Variants in PYM1 observed in about 807,000 individuals in gnomAD.
PYM1 encodes the protein PYM1 exon junction complex associated factor.
In PYM1, 7 loss-of-function variants were observed where a neutral mutation model predicts 20.7. The ratio of observed to expected loss-of-function variants is 0.34; its 90% CI spans 0.19 to 0.64. PYM1 has a LOEUF of 0.64. PYM1 is among the 30% of genes least tolerant of loss of function. The probability of loss-of-function intolerance (pLI) is 0.74; values close to 1 mark genes in which losing one functional copy is unlikely to be tolerated. For missense variants in PYM1, 194 were observed against 250.0 expected (o/e 0.78, Z 1.51); for synonymous variants, 100 against 99.2 (o/e 1.01, Z -0.05).
intron 1 of PYM1, among the ~76,000 whole-genome samples, chr12:55,915,216 A>AAAG: frequency 6.7e-6 from 1 of 149,048 alleles, no homozygotes; most frequent in Admixed American, 6.7e-5. Context: ...CTCTGCCTAA[A>AAAG]AAAAAAAAAA....
chr12:55,912,653 C>T (rs1225528592), intron 1 of PYM1, among the ~76,000 whole-genome samples: 3 of 151,870 alleles, frequency 2.0e-5, no homozygotes, highest in African/African-American at 7.3e-5. Flanking sequence ...CATAAAGCCA[C>T]CATACTCTCT....
intron 1 of PYM1, among the ~76,000 whole-genome samples, chr12:55,911,272 C>T (rs913430764): frequency 2.6e-5 from 4 of 151,876 alleles, no homozygotes; most frequent in African/African-American, 9.7e-5. Flanking sequence ...CCACGTCCGG[C>T]TAATTTTTAT....
chr12:55,927,814 C>T lies in PYM1; in HGVS notation c.-53G>A. On this transcript the variant is annotated 5_prime_UTR_variant, in exon 1 of 3. Transcript: ENST00000408946. Reference sequence around the variant, plus strand: ...GCGGGCGGCCCTGGCCTGGCTCTGCCCCGCTGGGCGGCGCCGGGGATTCGG... The same window carrying T: ...GCGGGCGGCCCTGGCCTGGCTCTGCTCCGCTGGGCGGCGCCGGGGATTCGG... 6.6e-7 allele frequency: 1 copy of T among 1,523,420 alleles called. No homozygotes were observed. The highest frequency in any genetic ancestry group is 8.8e-7 in the Non-Finnish European group (1 of 1,139,764). 94.4% of individuals were successfully genotyped at this position (1,523,420 alleles called of 1,614,324 possible).
intron 1 of PYM1, chr12:55,914,091 T>C (rs705697): frequency 0.017 from 7,390 of 422,732 alleles, 449 homozygotes; most frequent in African/African-American, 0.13. Flanking sequence ...GTGTTTTACA[T>C]GGAATTTGGG....
intron 1 of PYM1, among the ~76,000 whole-genome samples, chr12:55,921,855 C>A (rs2136269201): frequency 6.6e-6 from 1 of 152,144 alleles, no homozygotes; most frequent in Non-Finnish European, 1.5e-5. Context: ...AGAAAAAAAT[C>A]TCCTGGGCAG....
Position 55,927,164 on chromosome 12 carries a change from C to T in PYM1, c.37+561G>A, listed in dbSNP as rs535439121. The stretch of plus-strand genomic sequence containing the variant: ...GCGGGCTGGGGTCCCGCCCCCCTCC[C>T]CACCGGAAGTGGAGTCCCGATCGTA... On this transcript the variant is annotated intron_variant, in intron 1 of 2. Coordinates refer to ENST00000408946, the MANE Select transcript of PYM1 (RefSeq NM_032345.3). 1.4e-4 allele frequency: 218 copies of T among 1,551,246 alleles called. 2 individuals carry two copies. In the South Asian group the frequency reaches 2.4e-3, roughly 17 times the overall value.
chr12:55,911,866 AG>A (rs1022598540), intron 1 of PYM1, among the ~76,000 whole-genome samples: 18 of 150,156 alleles, frequency 1.2e-4, no homozygotes, highest in African/African-American at 4.4e-4. Context: ...AGGGGAGGGG[AG>A]GGGAGATACA....
chr12:55,908,650 G>C (rs987613944), intron 1 of PYM1, among the ~76,000 whole-genome samples: 1 of 151,854 alleles, frequency 6.6e-6, no homozygotes, highest in Non-Finnish European at 1.5e-5. Flanking sequence ...TCAGGAGTTC[G>C]AGACCAGCCT....
intron 1 of PYM1, 79 bp downstream of exon 1, chr12:55,927,646 T>G: frequency 6.6e-7 from 1 of 1,512,060 alleles, no homozygotes; most frequent in Non-Finnish European, 8.9e-7. Context: ...CGTGTGCCGA[T>G]TGCTGTCGGC....
At position 55,901,709 on chromosome 12, in the gene PYM1, GATT is replaced by G. The variant is rs1208543736; in HGVS notation, c.*160_*162del. The G allele has an allele frequency of 9.8e-7, 1 of 1,019,940 alleles. No individual in the cohort carries two copies. The allele number at this position is 1,019,940 out of a possible 1,614,324, so 63.2% of individuals were successfully genotyped here. A position where few individuals can be genotyped will look rare whatever the true frequency, so the allele number is the denominator to read the frequency against. On this transcript the variant is annotated 3_prime_UTR_variant, in exon 3 of 3. Coordinates refer to ENST00000408946, the MANE Select transcript of PYM1 (RefSeq NM_032345.3). ...GTAGAAGTTGGGAAGAAAAGGGAAG[GATT>G]GAGGGAGACGCTAGGCTCTGGAGGA... is the stretch of plus-strand genomic sequence containing the variant.
At chr12:55,914,903 C>A (rs1223576466) in intron 1 of PYM1, among the ~76,000 whole-genome samples, 1 of 151,952 alleles carries the variant, frequency 6.6e-6, no homozygotes, top group Non-Finnish European at 1.5e-5. Flanking sequence ...CCATGGAGAC[C>A]AACAGTTTTA....
intron 2 of PYM1, 26 bp from the exon 3 acceptor site, chr12:55,902,381 G>T: frequency 6.3e-7 from 1 of 1,579,358 alleles, no homozygotes. Context: ...GATGTCAAGA[G>T]TTTCAGAGAA....
intron 1 of PYM1, among the ~76,000 whole-genome samples, chr12:55,910,217 T>C (rs564698135): frequency 4.9e-4 from 74 of 151,330 alleles, no homozygotes; most frequent in Non-Finnish European, 1.0e-3. Flanking sequence ...TGAGAACATG[T>C]GCCCTAGGTG....
intron 1 of PYM1, among the ~76,000 whole-genome samples, chr12:55,911,622 C>T (rs1882924562): frequency 6.6e-6 from 1 of 151,988 alleles, no homozygotes; most frequent in African/African-American, 2.4e-5. Context: ...GGGTGGATCA[C>T]CTGAGGTCAG....
At chr12:55,914,825 C>A (rs911849102) in intron 1 of PYM1, among the ~76,000 whole-genome samples, 1 of 152,044 alleles carries the variant, frequency 6.6e-6, no homozygotes, top group Non-Finnish European at 1.5e-5. Flanking sequence ...TCATTTCCCT[C>A]AAGGAAGAAA....
chr12:55,927,866 CT>C lies in PYM1; in HGVS notation c.-106del. On this transcript the variant is annotated 5_prime_UTR_variant, in exon 1 of 3. Coordinates refer to ENST00000408946, the MANE Select transcript of PYM1 (RefSeq NM_032345.3). ...GGCGAAGTGATGAGGGCCCTAGTTGCTTCTCGCCCAGACCTCCTAACCCTGA... is the reference window on the plus strand; with the variant it reads ...GGCGAAGTGATGAGGGCCCTAGTTGCTCTCGCCCAGACCTCCTAACCCTGA... 1.4e-6 allele frequency: 2 copies of C among 1,435,274 alleles called. No homozygotes were observed. Among genetic ancestry groups the C allele is most frequent in the South Asian group, 2.6e-5 (2 of 76,796 alleles). The allele number at this position is 1,435,274 out of a possible 1,614,324, so 88.9% of individuals were successfully genotyped here. A position where few individuals can be genotyped will look rare whatever the true frequency, so the allele number is the denominator to read the frequency against.
chr12:55,906,215 G>C (rs1003998671), intron 1 of PYM1, among the ~76,000 whole-genome samples: 1 of 149,978 alleles, frequency 6.7e-6, no homozygotes. Context: ...TTGCAATTCA[G>C]ACAACCATCC....
intron 1 of PYM1, among the ~76,000 whole-genome samples, chr12:55,910,033 T>A (rs1261114870): frequency 1.3e-5 from 2 of 152,076 alleles, no homozygotes; most frequent in Non-Finnish European, 2.9e-5. Flanking sequence ...GACCCCTGTC[T>A]TTACGAACTA....
chr12:55,926,124 TATG>T (rs1222542285), intron 1 of PYM1, among the ~76,000 whole-genome samples: 7 of 152,230 alleles, frequency 4.6e-5, no homozygotes, highest in Admixed American at 4.6e-4. Context: ...AGACTACACA[TATG>T]AGGGCTACAA....
Sources: gnomAD v4.1 joint callset for allele counts (sites outside exome capture counted in the v4.1 genomes callset) on GRCh38, gnomAD v4.1.1 for gene constraint, MANE v1.5 for transcripts, NCBI Gene and HGNC (gene_info 2026-07-23, HGNC 2026-07-21) for gene names.